The following RALGPS1 variants were observed in gnomAD, a reference collection of about 807,000 sequenced individuals.
RALGPS1 encodes the protein ras-specific guanine nucleotide-releasing factor RalGPS1.
Under a neutral mutation model 78.8 loss-of-function variants are expected in RALGPS1, and 19 were observed. The ratio of observed to expected loss-of-function variants is 0.24; its 90% CI spans 0.17 to 0.35. The LOEUF is 0.35. Among genes scored for constraint, RALGPS1 ranks in the 10% least tolerant of loss-of-function variants. RALGPS1 has a pLI of 1.00. For missense variants in RALGPS1, 454 were observed against 688.3 expected, an observed-to-expected ratio of 0.66 and a Z score of 3.81; for synonymous variants, 228 against 256.3, an observed-to-expected ratio of 0.89 and a Z score of 1.06.
At chr9:127,041,298 G>A (rs1435313096) in intron 5 of RALGPS1, among the ~76,000 whole-genome samples, 2 of 151,994 alleles carry the variant, frequency 1.3e-5, no homozygotes, top group Non-Finnish European at 2.9e-5. Flanking sequence ...CACCATGTTC[G>A]CCAGGTTGGT....
intron 1 of RALGPS1, among the ~76,000 whole-genome samples, chr9:126,961,324 A>G (rs1564312752): frequency 6.6e-6 from 1 of 152,162 alleles, no homozygotes; most frequent in Non-Finnish European, 1.5e-5. Context: ...GTTTCCCCAC[A>G]TGCAATAGGG....
At chr9:127,032,796 C>G (rs2134590991) in intron 4 of RALGPS1, among the ~76,000 whole-genome samples, 2 of 152,004 alleles carry the variant, frequency 1.3e-5, no homozygotes, top group Admixed American at 1.3e-4. Flanking sequence ...TTGAGACCAG[C>G]CTGGGCAACA....
intron 9 of RALGPS1, among the ~76,000 whole-genome samples, chr9:127,166,766 G>A (rs1302028620): frequency 6.6e-6 from 1 of 152,190 alleles, no homozygotes; most frequent in Non-Finnish European, 1.5e-5. Flanking sequence ...AAATGATGTG[G>A]TAAGCGACTG....
At chr9:127,195,673 T>C (rs1441589994) in intron 12 of RALGPS1, among the ~76,000 whole-genome samples, 1 of 152,188 alleles carries the variant, frequency 6.6e-6, no homozygotes, top group African/African-American at 2.4e-5. Flanking sequence ...CTGGGGGACA[T>C]GCGTGAGCCC....
intron 3 of RALGPS1, among the ~76,000 whole-genome samples, chr9:126,972,509 A>G (rs1415797816): frequency 6.6e-6 from 1 of 152,250 alleles, no homozygotes; most frequent in Non-Finnish European, 1.5e-5. Flanking sequence ...GAACATCAAT[A>G]GCCACTAACA....
At chr9:127,113,573 C>A (rs181626613) in intron 8 of RALGPS1, among the ~76,000 whole-genome samples, 2 of 148,402 alleles carry the variant, frequency 1.3e-5, no homozygotes, top group Non-Finnish European at 3.0e-5. Flanking sequence ...AAGTGATGCT[C>A]CTCACTTTTT....
intron 9 of RALGPS1, 122 bp from the exon 10 acceptor site, chr9:127,168,557 C>T: frequency 2.7e-6 from 2 of 735,378 alleles, no homozygotes; most frequent in East Asian, 5.0e-5. Context: ...TCAGCAACTG[C>T]TGGAAGAGTG....
chr9:127,131,802 A>C (rs532043608), intron 8 of RALGPS1, among the ~76,000 whole-genome samples: 1 of 152,182 alleles, frequency 6.6e-6, no homozygotes, highest in Non-Finnish European at 1.5e-5. Flanking sequence ...AGATATGCAT[A>C]GCAGGCACCC....
intron 8 of RALGPS1, among the ~76,000 whole-genome samples, chr9:127,162,572 G>C (rs2059082113): frequency 6.6e-6 from 1 of 152,144 alleles, no homozygotes; most frequent in South Asian, 2.1e-4. Context: ...CACATCACTG[G>C]AGCCAGGAGG....
intron 1 of RALGPS1, among the ~76,000 whole-genome samples, chr9:126,927,713 A>C (rs1025810880): frequency 6.6e-6 from 1 of 152,134 alleles, no homozygotes; most frequent in African/African-American, 2.4e-5. Flanking sequence ...CTCGGGACTA[A>C]AATCTCTATC....
intron 8 of RALGPS1, among the ~76,000 whole-genome samples, chr9:127,095,337 G>T (rs1383291130): frequency 6.6e-6 from 1 of 152,212 alleles, no homozygotes; most frequent in Non-Finnish European, 1.5e-5. Context: ...GGTGGAGGTT[G>T]CAGTGAGCTG....
At chr9:126,916,729 C>T (rs368310516) in intron 1 of RALGPS1, among the ~76,000 whole-genome samples, 15 of 152,184 alleles carry the variant, frequency 9.9e-5, no homozygotes, top group Middle Eastern at 6.8e-3. Flanking sequence ...TGCAGTGAGC[C>T]GAGATCGTGC....
chr9:127,073,404 A>G (rs751302320), intron 8 of RALGPS1, among the ~76,000 whole-genome samples: 11 of 150,982 alleles, frequency 7.3e-5, no homozygotes, highest in Non-Finnish European at 1.3e-4. Context: ...TATTGCTGCA[A>G]ATGACAGGAT....
intron 4 of RALGPS1, among the ~76,000 whole-genome samples, chr9:127,014,862 T>G (rs1339219911): frequency 6.6e-6 from 1 of 152,180 alleles, no homozygotes; most frequent in Non-Finnish European, 1.5e-5. Flanking sequence ...CCTTTGCTTA[T>G]TAAGAGATGA....
intron 11 of RALGPS1, among the ~76,000 whole-genome samples, chr9:127,186,162 G>A (rs2140297084): frequency 6.6e-6 from 1 of 152,316 alleles, no homozygotes; most frequent in South Asian, 2.1e-4. Flanking sequence ...GAAGTGTAAT[G>A]AAAACCAGAT....
intron 4 of RALGPS1, among the ~76,000 whole-genome samples, chr9:127,014,906 A>G (rs1477737023): frequency 1.3e-5 from 2 of 152,176 alleles, no homozygotes; most frequent in Non-Finnish European, 2.9e-5. Flanking sequence ...ACCTGGATGC[A>G]CTTGTATAGT....
chr9:126,923,485 T>C (rs2130883627), intron 1 of RALGPS1, among the ~76,000 whole-genome samples: 1 of 152,300 alleles, frequency 6.6e-6, no homozygotes, highest in South Asian at 2.1e-4. Flanking sequence ...TTTCTTGGTT[T>C]TAGATATTTC....
At chr9:127,159,742 A>G (rs1289227167) in intron 8 of RALGPS1, among the ~76,000 whole-genome samples, 1 of 152,190 alleles carries the variant, frequency 6.6e-6, no homozygotes, top group Non-Finnish European at 1.5e-5. Context: ...AAGAGAGCAC[A>G]CACATCCTAA....
At chr9:126,961,246 A>G (rs1320070308) in intron 1 of RALGPS1, among the ~76,000 whole-genome samples, 1 of 152,188 alleles carries the variant, frequency 6.6e-6, no homozygotes, top group Non-Finnish European at 1.5e-5. Flanking sequence ...GTCTTGAATG[A>G]TGACAGGGTG....
Sources: allele counts gnomAD v4.1 joint callset (sites outside exome capture counted in the v4.1 genomes callset), GRCh38; gene constraint gnomAD v4.1.1; transcripts MANE v1.5; gene names NCBI Gene and HGNC (gene_info 2026-07-23, HGNC 2026-07-21).